TENM1: variants seen among roughly 807,000 people sequenced by gnomAD.
TENM1 encodes the protein teneurin transmembrane protein 1, also known as teneurin-1.
Under a neutral mutation model 174.8 loss-of-function variants are expected in TENM1, and 35 were observed. The ratio of observed to expected loss-of-function variants is 0.20; its 90% CI spans 0.15 to 0.27. TENM1 has a LOEUF of 0.27. Ranked by LOEUF, TENM1 falls within the 10% of genes least tolerant of loss-of-function variation. The probability of loss-of-function intolerance (pLI) is 1.00; values close to 1 mark genes in which losing one functional copy is unlikely to be tolerated. For missense variants in TENM1, 1,633 were observed against 2,130.1 expected, an observed-to-expected ratio of 0.77 and a Z score of 4.59; for synonymous variants, 781 against 798.7, an observed-to-expected ratio of 0.98 and a Z score of 0.37.
rs143464113 is a variant in TENM1 at position 124,807,826 on chromosome X, T to C, written c.536-70629A>G. Among the ~76,000 whole-genome samples, 80 of 106,793 alleles carry C rather than the reference T, an allele frequency of 7.5e-4. 1 individual carries two copies. The highest frequency in any genetic ancestry group is 2.7e-3 in the African/African-American group (79 of 29,078). 92.7% of individuals were successfully genotyped at this position (106,793 alleles called of 115,157 possible). On this transcript the variant is annotated intron_variant, in intron 3 of 31. Transcript: ENST00000422452. ...CCACACAGCAAAGACACACAGTAGATGCAAAAAAATACAAAGTAAGGAATC... is the reference window on the plus strand; with the variant it reads ...CCACACAGCAAAGACACACAGTAGACGCAAAAAAATACAAAGTAAGGAATC...
chrX:124,717,555 T>C (rs775084893), intron 4 of TENM1, among the ~76,000 whole-genome samples: 32 of 111,733 alleles, frequency 2.9e-4, no homozygotes, highest in Non-Finnish European at 7.5e-5. Context: ...GAAGAAAAGA[T>C]GAGACATCAC....
intron 4 of TENM1, among the ~76,000 whole-genome samples, chrX:124,723,845 C>T (rs1367037244): frequency 9.0e-6 from 1 of 110,551 alleles, no homozygotes; most frequent in East Asian, 2.8e-4. Context: ...GTGATCCGCC[C>T]GCCTCAGCCT....
chrX:124,382,972 A>ATTTATTTG (rs869183192), intron 30 of TENM1, among the ~76,000 whole-genome samples, 160 bp from the exon 34 acceptor site: 12 of 104,927 alleles, frequency 1.1e-4, no homozygotes, highest in African/African-American at 3.8e-4. Flanking sequence ...TTATTTATTT[A>ATTTATTTG]TTTGACATAG....
chrX:124,914,041 G>A (rs751456865), intron 1 of TENM1, among the ~76,000 whole-genome samples: 1 of 111,507 alleles, frequency 9.0e-6, no homozygotes, highest in Non-Finnish European at 1.9e-5. Context: ...ACTTGACCAT[G>A]GTCACCATTC....
At chrX:124,947,311 C>T (rs1458450326) in intron 1 of TENM1, among the ~76,000 whole-genome samples, 2 of 111,699 alleles carry the variant, frequency 1.8e-5, no homozygotes, top group East Asian at 5.7e-4. Context: ...AGCATCAGCT[C>T]TCATTATAGA....
the TENM1 span, among the ~76,000 whole-genome samples, chrX:125,188,111 G>GT: frequency 9.9e-5 from 11 of 111,442 alleles, no homozygotes; most frequent in African/African-American, 3.3e-4. Flanking sequence ...TGAGAGGATC[G>GT]TTTGAGTACA....
the TENM1 span, among the ~76,000 whole-genome samples, chrX:125,090,384 G>A: frequency 2.7e-5 from 3 of 110,834 alleles, no homozygotes; most frequent in Admixed American, 2.9e-4. Context: ...GGTGGCTCAC[G>A]CCCATAATCG....
At chrX:124,736,181 TATTA>T (rs768117893) in intron 4 of TENM1, among the ~76,000 whole-genome samples, 8 of 112,614 alleles carry the variant, frequency 7.1e-5, no homozygotes, top group South Asian at 3.7e-4. Context: ...ATCTATGTTT[TATTA>T]GTTAGTGTTT....
chrX:124,802,749 A>AC (rs2055489590), intron 3 of TENM1, among the ~76,000 whole-genome samples: 1 of 110,518 alleles, frequency 9.0e-6, no homozygotes, highest in Admixed American at 9.5e-5. Context: ...TCTTGGCCCC[A>AC]CCCCCCAATA....
intron 5 of TENM1, among the ~76,000 whole-genome samples, chrX:124,674,758 C>T (rs184282573): frequency 2.5e-4 from 28 of 111,050 alleles, no homozygotes; most frequent in African/African-American, 8.2e-4. Flanking sequence ...GGTATTTTTC[C>T]GTTTTACAGA....
chrX:124,864,321 G>C (rs140189234), intron 3 of TENM1, among the ~76,000 whole-genome samples: 35 of 112,094 alleles, frequency 3.1e-4, no homozygotes, highest in African/African-American at 1.1e-3. Context: ...CAAAATAGCT[G>C]TGTTGAGGAA....
At position 124,786,805 on chromosome X, in the gene TENM1, C is replaced by G. The variant is rs186026824; in HGVS notation, c.536-49608G>C. Among the ~76,000 whole-genome samples, 8 of 111,378 alleles carry G rather than the reference C, an allele frequency of 7.2e-5. No individual in the cohort carries two copies. In the Admixed American group the frequency reaches 7.6e-4, roughly 11 times the overall value. ...TAATTTCTGAATGCTTACCCTTCCCCTTCCTATCCATGATAAGGCAAAAAG... is the reference window on the plus strand; with the variant it reads ...TAATTTCTGAATGCTTACCCTTCCCGTTCCTATCCATGATAAGGCAAAAAG... On this transcript the variant is annotated intron_variant, in intron 3 of 31. Coordinates refer to ENST00000422452, the Ensembl canonical transcript of TENM1.
the TENM1 span, among the ~76,000 whole-genome samples, chrX:125,023,980 T>A: frequency 6.2e-4 from 70 of 112,230 alleles, no homozygotes; most frequent in African/African-American, 2.3e-3. Context: ...GACAAAAAAA[T>A]GCTCAACATC....
At chrX:125,069,908 TG>T in the TENM1 span, among the ~76,000 whole-genome samples, 3 of 111,536 alleles carry the variant, frequency 2.7e-5, no homozygotes, top group African/African-American at 9.8e-5. Context: ...CAATGCCTAT[TG>T]TTTTTTTACT....
intron 3 of TENM1, among the ~76,000 whole-genome samples, chrX:124,793,488 AG>A (rs1380054053): frequency 9.0e-6 from 1 of 111,660 alleles, no homozygotes; most frequent in African/African-American, 3.3e-5. Flanking sequence ...CCTGCTTATT[AG>A]AAAGACAAAA....
the TENM1 span, among the ~76,000 whole-genome samples, chrX:125,067,536 C>CA: frequency 8.9e-6 from 1 of 111,836 alleles, no homozygotes; most frequent in Non-Finnish European, 1.9e-5. Flanking sequence ...CACCTCTGCT[C>CA]ACCACTTCTT....
chrX:124,471,137 G>T (rs1361277024), intron 22 of TENM1, among the ~76,000 whole-genome samples: 3 of 80,548 alleles, frequency 3.7e-5, no homozygotes, highest in Non-Finnish European at 6.8e-5. Flanking sequence ...ATAATATATA[G>T]TAATATATAA....
chrX:124,825,150 C>T (rs1337706655), intron 3 of TENM1, among the ~76,000 whole-genome samples: 1 of 100,911 alleles, frequency 9.9e-6, no homozygotes, highest in Non-Finnish European at 2.0e-5. Flanking sequence ...CATACATAAG[C>T]TGACTTTCTT....
At chrX:124,999,769 A>C in the TENM1 span, among the ~76,000 whole-genome samples, 1 of 110,860 alleles carries the variant, frequency 9.0e-6, no homozygotes, top group African/African-American at 3.3e-5. Flanking sequence ...AAGGCAATTT[A>C]AGGAAAGAAA....
Sources: allele counts gnomAD v4.1 joint callset (sites outside exome capture counted in the v4.1 genomes callset), GRCh38; gene constraint gnomAD v4.1.1; transcripts MANE v1.5; gene names NCBI Gene and HGNC (gene_info 2026-07-23, HGNC 2026-07-21).